INO80D: variants seen among roughly 807,000 people sequenced by gnomAD.
INO80D encodes the protein INO80 complex subunit D.
In INO80D, 21 loss-of-function variants were observed where a neutral mutation model predicts 87.6. The ratio of observed to expected loss-of-function variants is 0.24; its 90% CI spans 0.17 to 0.35. INO80D has a LOEUF of 0.35. INO80D is among the 10% of genes least tolerant of loss of function. INO80D has a pLI of 1.00. For missense variants in INO80D, 982 were observed against 1,280.7 expected, an observed-to-expected ratio of 0.77 and a Z score of 3.56; for synonymous variants, 440 against 491.0, an observed-to-expected ratio of 0.90 and a Z score of 1.37.
chr2:206,050,757 A>G lies in INO80D; in HGVS notation c.965-4145T>C, dbSNP rs1262812967. ...GCCGAGGCGGGCGGATCACGAGGTC[A>G]GGAGATTGAGACCATCTTGGCTAAC... On this transcript the variant is annotated intron_variant, in intron 4 of 10. Transcript: ENST00000403263. Among the ~76,000 whole-genome samples, 3 of 152,154 alleles carry G rather than the reference A, an allele frequency of 2.0e-5. No individual in the cohort carries two copies. The East Asian group carries it at 5.8e-4, about 29-fold the overall frequency.
intron 8 of INO80D, among the ~76,000 whole-genome samples, chr2:206,014,414 C>G (rs146991864): frequency 2.5e-4 from 38 of 152,194 alleles, no homozygotes; most frequent in Non-Finnish European, 5.3e-4. Flanking sequence ...GGGAGGGAGA[C>G]AGTGGGAGAT....
chr2:206,014,757 C>G (rs1465903153), intron 8 of INO80D, among the ~76,000 whole-genome samples: 1 of 152,064 alleles, frequency 6.6e-6, no homozygotes, highest in Non-Finnish European at 1.5e-5. Flanking sequence ...AAATGTGGAA[C>G]CAACTTTGGA....
chr2:206,077,640 G>A (rs866905241), intron 1 of INO80D, among the ~76,000 whole-genome samples: 66 of 152,070 alleles, frequency 4.3e-4, no homozygotes, highest in African/African-American at 1.3e-3. Flanking sequence ...TCTAAGTTCC[G>A]ATCCATGTCA....
chr2:206,011,594 T>C lies in INO80D; in HGVS notation c.1543-1800A>G, dbSNP rs141335556. On this transcript the variant is annotated intron_variant, in intron 8 of 10. Transcript: ENST00000403263. ...AAGGCAATGCACTCACCATCTGTCA[T>C]AGGATCTTACAAAGGTGGAATCCCA... Among the ~76,000 whole-genome samples the C allele has an allele frequency of 5.9e-5, 9 of 152,322 alleles. No homozygotes were observed. The South Asian group carries it at 6.2e-4, about 11-fold the overall frequency.
chr2:206,011,770 A>G (rs977977165), intron 8 of INO80D, among the ~76,000 whole-genome samples: 11 of 152,228 alleles, frequency 7.2e-5, no homozygotes, highest in Non-Finnish European at 1.5e-4. Flanking sequence ...TCTAAGTGCT[A>G]GGGATACAGT....
At chr2:206,010,949 G>A (rs1231268289) in intron 8 of INO80D, among the ~76,000 whole-genome samples, 2 of 151,894 alleles carry the variant, frequency 1.3e-5, no homozygotes, top group African/African-American at 2.4e-5. Flanking sequence ...CTGGTGACAC[G>A]TGCATGTAAT....
chr2:206,036,090 G>A (rs557543010), intron 5 of INO80D, among the ~76,000 whole-genome samples: 2 of 152,056 alleles, frequency 1.3e-5, no homozygotes, highest in Non-Finnish European at 2.9e-5. Flanking sequence ...TCAAAAATCA[G>A]TAGATGTTGG....
In INO80D at chr2:206,086,168, G is replaced by A. The variant is rs1194279759; in HGVS notation, c.-391C>T. 3 of 152,232 alleles carry A rather than the reference G, an allele frequency of 2.0e-5. No homozygotes were observed. Among genetic ancestry groups the A allele is most frequent in the East Asian group, 1.9e-4 (1 of 5,194 alleles). The allele number at this position is 152,232 out of a possible 1,614,324, so 9.4% of individuals were successfully genotyped here. ...CAGCCAAGAAGGCAGGGCTGCCGGG[G>A]CTGTACAAGAAGAGGCAGCAGCCTC... is the stretch of plus-strand genomic sequence containing the variant. On this transcript the variant is annotated 5_prime_UTR_variant, in exon 1 of 11. Transcript: ENST00000403263.
At chr2:206,014,062 G>A (rs901062396) in intron 8 of INO80D, among the ~76,000 whole-genome samples, 1 of 150,968 alleles carries the variant, frequency 6.6e-6, no homozygotes, top group African/African-American at 2.4e-5. Context: ...GGAGGTTGAG[G>A]TGCAAGAATC....
In INO80D at chr2:206,056,478, T is replaced by C; in HGVS notation, c.684A>G (p.Ser228=). 6 of 1,614,008 alleles carry C rather than the reference T, an allele frequency of 3.7e-6. No homozygotes were observed. Among genetic ancestry groups the C allele is most frequent in the Non-Finnish European group, 5.1e-6 (6 of 1,179,886 alleles). The change falls in exon 4 of 11, where the codon TCA becomes TCG. Residue 228 remains serine (S), a synonymous_variant. Coordinates refer to ENST00000403263, the MANE Select transcript of INO80D (RefSeq NM_017759.5). ...SLKPPAPPQG[S]VCKSPQPQNT... is the part of the protein sequence containing the mutation. The stretch of plus-strand genomic sequence containing the variant: ...TCTGAGGTTGAGGTGACTTGCAGAC[T>C]GAACCCTGCGGTGGCGCTGGAGGTT...
chr2:206,082,694 G>A (rs1010344847), intron 1 of INO80D, among the ~76,000 whole-genome samples: 1 of 152,154 alleles, frequency 6.6e-6, no homozygotes, highest in African/African-American at 2.4e-5. Flanking sequence ...TGAGAATATT[G>A]CTCTAACTGT....
chr2:206,007,494 A>G, intron 9 of INO80D, 53 bp from the exon 10 acceptor site: 1 of 1,547,120 alleles, frequency 6.5e-7, no homozygotes, highest in Non-Finnish European at 8.7e-7. Context: ...CTTCACATCA[A>G]TACCACCAAG....
rs750762513 is a variant in INO80D, at chr2:206,009,660, T to C, written c.1677A>G (p.Gln559=). The part of the protein sequence containing the change: ...KKRRRGPRRP[Q]KPIPPAVPQG... ...GGGGGACTGCAGGTGGAATGGGTTT[T>C]TGGGGTCGACGAGGTCCACGCCTTC... Residue 559 remains glutamine, a synonymous_variant, in exon 9 of 11, where the codon CAA becomes CAG. Coordinates refer to ENST00000403263, the MANE Select transcript of INO80D (RefSeq NM_017759.5). 3.1e-6 allele frequency: 5 copies of C among 1,614,000 alleles called. No individual in the cohort carries two copies. The highest frequency in any genetic ancestry group is 1.7e-6 in the Non-Finnish European group (2 of 1,179,902).
chr2:206,014,228 T>TTTGTAATAGGTAA (rs1416492825), intron 8 of INO80D, among the ~76,000 whole-genome samples: 1 of 152,018 alleles, frequency 6.6e-6, no homozygotes. Context: ...TTATTCAACA[T>TTTGTAATAGGTAA]TTGTAATATG....
chr2:206,041,601 G>A (rs867781756), intron 5 of INO80D, among the ~76,000 whole-genome samples: 5 of 152,160 alleles, frequency 3.3e-5, no homozygotes, highest in Non-Finnish European at 7.4e-5. Flanking sequence ...AATTTACAAA[G>A]AGATATTTCA....
chr2:206,057,955 T>A (rs918782891), intron 3 of INO80D, among the ~76,000 whole-genome samples: 1 of 152,104 alleles, frequency 6.6e-6, no homozygotes, highest in Non-Finnish European at 1.5e-5. Context: ...GAATTCTCTG[T>A]CTGAAAGATC....
chr2:206,081,368 T>C (rs569738436), intron 1 of INO80D, among the ~76,000 whole-genome samples: 1 of 152,318 alleles, frequency 6.6e-6, no homozygotes, highest in South Asian at 2.1e-4. Flanking sequence ...AAATATAGCA[T>C]AAGCCTACTA....
chr2:206,072,323 C>T (rs1559464557), intron 1 of INO80D, among the ~76,000 whole-genome samples: 1 of 151,922 alleles, frequency 6.6e-6, no homozygotes, highest in Admixed American at 6.6e-5. Flanking sequence ...GTCACCCAGG[C>T]TGGAGTGAAG....
rs746011593 is a variant in INO80D, at chr2:206,062,008, T to C, written c.218+791A>G. Among the ~76,000 whole-genome samples the C allele has an allele frequency of 1.3e-4, 20 of 152,322 alleles. No individual in the cohort carries two copies. Among genetic ancestry groups the C allele is most frequent in the Non-Finnish European group, 2.4e-4 (16 of 68,008 alleles). On this transcript the variant is annotated intron_variant, in intron 3 of 10. Coordinates refer to ENST00000403263, the MANE Select transcript of INO80D (RefSeq NM_017759.5). This position sits in a 1 kb window ranked among gnomAD's most constrained non-coding sequence, Gnocchi z 4.6. ...AAAAAGAAGCACAGAGAAGAGATTATATATGAAAGATAGTGTGAATTTTCC... is the reference window on the plus strand; with the variant it reads ...AAAAAGAAGCACAGAGAAGAGATTACATATGAAAGATAGTGTGAATTTTCC...
Sources: gnomAD v4.1 joint callset for allele counts (sites outside exome capture counted in the v4.1 genomes callset) on GRCh38, gnomAD v4.1.1 for gene constraint, Gnocchi (gnomAD v3.1) non-coding constraint, MANE v1.5 for transcripts, NCBI Gene and HGNC (gene_info 2026-07-23, HGNC 2026-07-21) for gene names.